The following ABCA9 variants were observed in gnomAD, a reference collection of about 807,000 sequenced individuals.
The protein encoded by ABCA9 is ATP binding cassette subfamily A member 9, also known as ATP-binding cassette sub-family A member 9.
In ABCA9, 183 loss-of-function variants were observed where a neutral mutation model predicts 205.3. The observed-to-expected ratio is 0.89, with a 90% CI of 0.79 to 1.01. The LOEUF (loss-of-function observed/expected upper bound fraction) is 1.01, where lower values mean the gene tolerates loss of function less well. ABCA9 is among the 50% of genes least tolerant of loss of function. ABCA9 has a pLI of 0.00. For missense variants in ABCA9, 1,805 were observed against 1,912.4 expected (o/e 0.94, Z 1.05); for synonymous variants, 651 against 683.3 (o/e 0.95, Z 0.74).
At chr17:69,017,828 T>C in intron 20 of ABCA9, 39 bp from the exon 21 acceptor site, 1 of 1,594,816 alleles carries the variant, frequency 6.3e-7, no homozygotes, top group Non-Finnish European at 8.6e-7. Flanking sequence ...AAAAATGAAA[T>C]AAAACAATAG....
chr17:69,074,572 A>G, the ABCA9 span, among the ~76,000 whole-genome samples: 1 of 152,240 alleles, frequency 6.6e-6, no homozygotes, highest in African/African-American at 2.4e-5. Flanking sequence ...TGCAAAGGAC[A>G]TGATTTTGTT....
At chr17:68,993,916 C>T (rs895410586) in intron 26 of ABCA9, among the ~76,000 whole-genome samples, 1 of 152,146 alleles carries the variant, frequency 6.6e-6, no homozygotes, top group Non-Finnish European at 1.5e-5. Context: ...TGTTCTGTTG[C>T]CCAGGCTGGA....
At position 68,975,941 on chromosome 17, in the gene ABCA9, T is replaced by C. The variant is rs775596885; in HGVS notation, c.4849A>G (p.Lys1617Glu). 6.2e-7 allele frequency: 1 copy of C among 1,613,238 alleles called. No homozygotes were observed. Among genetic ancestry groups the C allele is most frequent in the African/African-American group, 1.3e-5 (1 of 74,930 alleles). ...EEDFDPSVKWKLLLQEEP is the reference protein window; with the variant it reads ...EEDFDPSVKWELLLQEEP The stretch of plus-strand genomic sequence containing the variant: ...TAAGGCTCTTCCTGCAGGAGGAGTT[T>C]CCACTTCACCGAGGGATCAAAGTCC... The change falls in exon 39 of 39, where the codon AAA (lysine) becomes GAA (glutamate). Residue 1617 changes from lysine (K) to glutamate (E), a missense_variant. Lys to Glu is a moderately conservative substitution (Grantham distance 56). Coordinates refer to ENST00000340001, the MANE Select transcript of ABCA9 (RefSeq NM_080283.4).
intron 28 of ABCA9, 67 bp downstream of exon 28, chr17:68,992,108 C>A: frequency 9.1e-7 from 1 of 1,095,138 alleles, no homozygotes; most frequent in Non-Finnish European, 1.3e-6. Context: ...ATTAATTCAG[C>A]ACATTAAAAA....
the ABCA9 span, among the ~76,000 whole-genome samples, chr17:69,074,199 T>C: frequency 2.0e-5 from 3 of 152,132 alleles, no homozygotes; most frequent in East Asian, 5.8e-4. Context: ...TTAATTTCTA[T>C]ATTTTTCTCT....
chr17:69,029,195 T>C lies in ABCA9; in HGVS notation c.1478A>G (p.Lys493Arg). Residue 493 changes from lysine to arginine, a missense_variant, in exon 11 of 39, where the codon AAG becomes AGG. By Grantham distance (26) the Lys-to-Arg change is conservative. Transcript: ENST00000340001. ...IKNLKKEYAG[K>R]CERVEALKGV... ...TTTCAAAGCTTCTACTCTCTCACAC[T>C]TCCCTGCATATTCTTTTTTAAGATT... 6.4e-7 allele frequency: 1 copy of C among 1,560,344 alleles called. No homozygotes were observed. Among genetic ancestry groups the C allele is most frequent in the Non-Finnish European group, 8.8e-7 (1 of 1,142,252 alleles).
rs1469770250 is a variant in ABCA9, at chr17:69,026,573, A to AATAG, written c.2051-110_2051-107dup. 5 of 1,024,112 alleles carry AATAG rather than the reference A, an allele frequency of 4.9e-6. No homozygotes were observed. In the African/African-American group the frequency reaches 6.4e-5, roughly 13 times the overall value. 63.4% of individuals were successfully genotyped at this position (1,024,112 alleles called of 1,614,324 possible). ...GTATTGTAGCAGCATGACACACTAA[A>AATAG]ATAGATATACTCTAATTCTGGCCAT... On this transcript the variant is annotated intron_variant, in intron 15 of 38. Coordinates refer to ENST00000340001, the MANE Select transcript of ABCA9 (RefSeq NM_080283.4).
chr17:69,009,342 A>C (rs538672554), intron 23 of ABCA9, among the ~76,000 whole-genome samples: 4 of 152,204 alleles, frequency 2.6e-5, no homozygotes, highest in Admixed American at 6.5e-5. Flanking sequence ...AGTGAATAGG[A>C]TATATCTGGG....
intron 25 of ABCA9, among the ~76,000 whole-genome samples, chr17:68,997,988 T>C (rs79862503): frequency 0.027 from 4,082 of 152,320 alleles, 200 homozygotes; most frequent in African/African-American, 0.093. Flanking sequence ...TTTCACTGTC[T>C]CCATAGTTTC....
At chr17:69,069,583 T>A in the ABCA9 span, among the ~76,000 whole-genome samples, 28 of 152,094 alleles carry the variant, frequency 1.8e-4, no homozygotes, top group African/African-American at 6.7e-4. Context: ...GAATTGGTGA[T>A]GCAGTACACA....
Position 69,044,491 on chromosome 17 carries a change from ACTCACTT to A in ABCA9, c.572_573+5del. 6.2e-7 allele frequency: 1 copy of A among 1,610,768 alleles called. No homozygotes were observed. The highest frequency in any genetic ancestry group is 8.5e-7 in the Non-Finnish European group (1 of 1,177,822). ...TGTGGTTAGATTCCTTTAACTTTAT[ACTCACTT>A]CTATGATAGCAGCATTAATGGCAGC... On this transcript the variant is annotated splice_donor_variant and splice_donor_5th_base_variant and coding_sequence_variant and intron_variant, in exon 5 of 39. Coordinates refer to ENST00000340001, the MANE Select transcript of ABCA9 (RefSeq NM_080283.4). LOFTEE classifies it high-confidence loss of function.
chr17:68,986,271 G>A lies in ABCA9; in HGVS notation c.4101C>T (p.Cys1367=), dbSNP rs768362154. Residue 1367 remains cysteine (C), a synonymous_variant, in exon 32 of 39, where the codon TGC becomes TGT. Transcript: ENST00000340001. The part of the protein sequence containing the change: ...GGEPLGFLGY[C]PQENALWPNL... ...TGGGCCACAGCGCATTCTCCTGAGGGCAGTACCCCAGGAAGCCCAGGGGTT... is the reference window on the plus strand; with the variant it reads ...TGGGCCACAGCGCATTCTCCTGAGGACAGTACCCCAGGAAGCCCAGGGGTT... 6.2e-7 allele frequency: 1 copy of A among 1,613,650 alleles called. No individual in the cohort carries two copies. Among genetic ancestry groups the A allele is most frequent in the Non-Finnish European group, 8.5e-7 (1 of 1,179,734 alleles).
At chr17:69,038,211 A>G (rs2144410617) in intron 6 of ABCA9, among the ~76,000 whole-genome samples, 1 of 152,312 alleles carries the variant, frequency 6.6e-6, no homozygotes, top group Admixed American at 6.5e-5. Context: ...TCCCTAACTC[A>G]TTTTATGAGG....
At chr17:69,033,985 G>A (rs1280085072) in intron 8 of ABCA9, 112 bp from the exon 9 acceptor site, 1 of 853,960 alleles carries the variant, frequency 1.2e-6, no homozygotes, top group Non-Finnish European at 1.8e-6. Context: ...ATATAATCTT[G>A]TCTCTACAGA....
rs768793413 is a variant in ABCA9 at position 69,028,534 on chromosome 17, C to T, written c.1615+1G>A. 3 of 1,577,174 alleles carry T rather than the reference C, an allele frequency of 1.9e-6. No individual in the cohort carries two copies. Among genetic ancestry groups the T allele is most frequent in the African/African-American group, 2.7e-5 (2 of 73,718 alleles). The stretch of plus-strand genomic sequence containing the variant: ...TTGTCCTTGGATAACTGTCTTCTTA[C>T]CTGATGTTGGAACTGACAACCCACT... On this transcript the variant is annotated splice_donor_variant, in intron 12 of 38. Coordinates refer to ENST00000340001, the MANE Select transcript of ABCA9 (RefSeq NM_080283.4). LOFTEE classifies it high-confidence loss of function.
intron 3 of ABCA9, among the ~76,000 whole-genome samples, chr17:69,048,136 C>T (rs2071781371): frequency 6.6e-6 from 1 of 152,140 alleles, no homozygotes. Flanking sequence ...AAATTGCTCC[C>T]ATGATCCAAT....
rs1341550047 is a variant in ABCA9 at position 68,995,972 on chromosome 17, C to T, written c.3478G>A (p.Gly1160Arg). The T allele has an allele frequency of 6.2e-7, 1 of 1,613,650 alleles. No homozygotes were observed. Among genetic ancestry groups the T allele is most frequent in the Non-Finnish European group, 8.5e-7 (1 of 1,179,866 alleles). ...SIVATDLNEYGFLGLFFGTML... is the reference protein window; with the variant it reads ...SIVATDLNEYRFLGLFFGTML... ...GTGCCAAAAAATAGCCCTAGAAATC[C>T]ATATTCATTTAGATCAGTAGCAACT... is the stretch of plus-strand genomic sequence containing the variant. Residue 1160 changes from glycine (G) to arginine (R), a missense_variant, in exon 26 of 39, where the codon GGA becomes AGA. Coordinates refer to ENST00000340001, the MANE Select transcript of ABCA9 (RefSeq NM_080283.4).
rs2069139299 is a variant in ABCA9, at chr17:68,983,781, T to C, written c.4568A>G (p.Lys1523Arg). 6.2e-7 allele frequency: 1 copy of C among 1,614,096 alleles called. No individual in the cohort carries two copies. The highest frequency in any genetic ancestry group is 1.3e-5 in the African/African-American group (1 of 74,936). The change falls in exon 36 of 39, where the codon AAG becomes AGG. Residue 1523 changes from lysine (K) to arginine (R), a missense_variant. Transcript: ENST00000340001. ...GAGGGGCTCCATTTGTGCCAGGTTC[T>C]TCAGCTTCATCTCCAGCAGGTAGTC... ...GKDYLLEMKL[K>R]NLAQMEPLHA...
At position 69,024,882 on chromosome 17, in the gene ABCA9, CTTTA is replaced by C. The variant is rs148139037; in HGVS notation, c.2142-533_2142-530del. On this transcript the variant is annotated intron_variant, in intron 16 of 38. Coordinates refer to ENST00000340001, the MANE Select transcript of ABCA9 (RefSeq NM_080283.4). ...TTTATTCAAGTGAAATCTGGCCTGT[CTTTA>C]TTAAGAATATATAAAATTACTCATG... 3.4e-3 allele frequency among the ~76,000 whole-genome samples: 516 copies of C among 152,138 alleles called. 3 individuals carry two copies. Among genetic ancestry groups the C allele is most frequent in the African/African-American group, 0.012 (493 of 41,520 alleles).
Sources: allele counts gnomAD v4.1 joint callset (sites outside exome capture counted in the v4.1 genomes callset), GRCh38; gene constraint gnomAD v4.1.1; transcripts MANE v1.5; gene names NCBI Gene and HGNC (gene_info 2026-07-23, HGNC 2026-07-21).